Variants in SLC71A1 observed in about 807,000 individuals in gnomAD.
SLC71A1 encodes the protein hippocampus abundant gene transcript 1.
chr1:100,053,514 G>C, the SLC71A1 span, among the ~76,000 whole-genome samples: 1 of 152,078 alleles, frequency 6.6e-6, no homozygotes, highest in Non-Finnish European at 1.5e-5. Flanking sequence ...TCATTTCCCT[G>C]TCCCTCCCTC....
At chr1:100,054,041 C>CT in the SLC71A1 span, among the ~76,000 whole-genome samples, 6,320 of 133,232 alleles carry the variant, frequency 0.047, 164 homozygotes, top group African/African-American at 0.068. Context: ...TTTTTCTTTC[C>CT]TTTTTTTTTT....
chr1:100,040,959 A>G, the SLC71A1 span, among the ~76,000 whole-genome samples: 1 of 152,188 alleles, frequency 6.6e-6, no homozygotes, highest in Non-Finnish European at 1.5e-5. Flanking sequence ...ACAGTCGTGA[A>G]CAGTATTTCA....
chr1:100,054,993 C>T, the SLC71A1 span, among the ~76,000 whole-genome samples: 1 of 151,970 alleles, frequency 6.6e-6, no homozygotes, highest in Non-Finnish European at 1.5e-5. Flanking sequence ...GAAAGGATGC[C>T]GTGTATAAAA....
At chr1:100,074,566 C>G in the SLC71A1 span, among the ~76,000 whole-genome samples, 1 of 150,712 alleles carries the variant, frequency 6.6e-6, no homozygotes, top group East Asian at 2.0e-4. Context: ...GCAACAAGAG[C>G]GAAACTCCAT....
the SLC71A1 span, among the ~76,000 whole-genome samples, chr1:100,046,163 C>T: frequency 7.0e-6 from 1 of 143,780 alleles, no homozygotes; most frequent in African/African-American, 2.5e-5. Flanking sequence ...TGGTTACTAT[C>T]ACTTTGTAGT....
chr1:100,068,646 T>G, the SLC71A1 span: 1 of 972,280 alleles, frequency 1.0e-6, no homozygotes, highest in Non-Finnish European at 1.6e-6. Flanking sequence ...TTAATAAAAA[T>G]ATTTAATCTT....
At chr1:100,059,969 CAT>C in the SLC71A1 span, 1 of 1,612,834 alleles carries the variant, frequency 6.2e-7, no homozygotes, top group Non-Finnish European at 8.5e-7. Flanking sequence ...GTGTTTTTCA[CAT>C]GTGCCCCAAT....
the SLC71A1 span, chr1:100,077,240 T>C: frequency 4.5e-5 from 71 of 1,589,192 alleles, no homozygotes; most frequent in Middle Eastern, 3.3e-4. Flanking sequence ...ATTTCAAATA[T>C]TACAGTTGGC....
the SLC71A1 span, among the ~76,000 whole-genome samples, chr1:100,072,556 G>T: frequency 1.1e-3 from 162 of 150,838 alleles, no homozygotes; most frequent in Non-Finnish European, 1.7e-3. Context: ...TAAACTAAAG[G>T]TCATTGGTTT....
At chr1:100,069,667 T>C in the SLC71A1 span, 6 of 1,611,316 alleles carry the variant, frequency 3.7e-6, no homozygotes, top group Admixed American at 1.7e-5. Flanking sequence ...TCCTTGGCAT[T>C]CTTTCCATTA....
the SLC71A1 span, among the ~76,000 whole-genome samples, chr1:100,047,276 A>G: frequency 2.0e-5 from 3 of 152,166 alleles, no homozygotes; most frequent in Admixed American, 2.0e-4. Context: ...GTTGAATTTT[A>G]GTAAATGCTT....
the SLC71A1 span, among the ~76,000 whole-genome samples, chr1:100,063,795 CA>C: frequency 6.6e-6 from 1 of 151,842 alleles, no homozygotes; most frequent in Admixed American, 6.6e-5. Flanking sequence ...GACCTGTCTC[CA>C]AAAAAGGGGG....
chr1:100,054,709 T>C, the SLC71A1 span, among the ~76,000 whole-genome samples: 1 of 152,214 alleles, frequency 6.6e-6, no homozygotes. Flanking sequence ...CTTTCAACAT[T>C]TTTAAAGTTA....
At chr1:100,043,267 A>C in the SLC71A1 span, 1 of 778,046 alleles carries the variant, frequency 1.3e-6, no homozygotes, top group Non-Finnish European at 1.6e-6. Flanking sequence ...TAAAAGTTTC[A>C]ATTATAAGGA....
the SLC71A1 span, among the ~76,000 whole-genome samples, chr1:100,054,118 T>G: frequency 2.7e-5 from 4 of 150,682 alleles, no homozygotes; most frequent in Non-Finnish European, 5.9e-5. Context: ...CTCGGCTCAC[T>G]GCAACCTCCA....
chr1:100,054,223 A>G, the SLC71A1 span, among the ~76,000 whole-genome samples: 4,967 of 146,996 alleles, frequency 0.034, 296 homozygotes, highest in African/African-American at 0.12. Flanking sequence ...TTTTTTTATT[A>G]TTTTTTTTGA....
At chr1:100,059,731 A>C in the SLC71A1 span, 2 of 604,724 alleles carry the variant, frequency 3.3e-6, no homozygotes, top group Non-Finnish European at 5.3e-6. Flanking sequence ...ATTTATATAT[A>C]GATAAGCAAT....
the SLC71A1 span, among the ~76,000 whole-genome samples, chr1:100,081,245 T>A: frequency 6.6e-6 from 1 of 152,266 alleles, no homozygotes; most frequent in Non-Finnish European, 1.5e-5. Flanking sequence ...AAAACAAAGG[T>A]CTCTTTTTCT....
the SLC71A1 span, among the ~76,000 whole-genome samples, chr1:100,060,692 G>T: frequency 2.0e-5 from 3 of 151,494 alleles, no homozygotes; most frequent in Non-Finnish European, 4.4e-5. Flanking sequence ...AGATTTCAGG[G>T]ATATGCTGCT....
Sources: allele counts gnomAD v4.1 joint callset (sites outside exome capture counted in the v4.1 genomes callset), GRCh38; gene constraint gnomAD v4.1.1; transcripts MANE v1.5; gene names NCBI Gene and HGNC (gene_info 2026-07-23, HGNC 2026-07-21).